TNR: variants seen among roughly 807,000 people sequenced by gnomAD.
TNR encodes the protein tenascin R, also known as tenascin-R.
In TNR, 45 loss-of-function variants were observed where a neutral mutation model predicts 150.4. That is an observed-to-expected ratio of 0.30 (90% CI 0.24 to 0.38). TNR has a LOEUF of 0.38. TNR is among the 10% of genes least tolerant of loss of function. The pLI is 1.00. For synonymous variants in TNR, 687 were observed against 678.4 expected (o/e 1.01, Z -0.20); for missense variants, 1,544 against 1,759.1 (o/e 0.88, Z 2.19).
chr1:175,489,884 A>G (rs78116180), intron 2 of TNR, among the ~76,000 whole-genome samples: 2,743 of 152,274 alleles, frequency 0.018, 38 homozygotes, highest in South Asian at 0.042. Context: ...GTTTTTTATG[A>G]ACATAATAAA....
intron 1 of TNR, among the ~76,000 whole-genome samples, chr1:175,658,436 A>G (rs1665258975): frequency 6.6e-6 from 1 of 152,148 alleles, no homozygotes; most frequent in Admixed American, 6.5e-5. Context: ...ATGTGTTCCA[A>G]GTGGTATGCT....
intron 1 of TNR, among the ~76,000 whole-genome samples, chr1:175,546,442 A>G (rs1169124492): frequency 1.3e-5 from 2 of 152,230 alleles, no homozygotes; most frequent in African/African-American, 4.8e-5. Flanking sequence ...CACATCTTAA[A>G]GATGTCTTCT....
At chr1:175,696,041 T>G (rs1666507119) in intron 1 of TNR, among the ~76,000 whole-genome samples, 1 of 151,396 alleles carries the variant, frequency 6.6e-6, no homozygotes, top group Non-Finnish European at 1.5e-5. Flanking sequence ...AGCCAATATG[T>G]GCATAGGAGC....
intron 1 of TNR, among the ~76,000 whole-genome samples, chr1:175,719,320 T>C (rs74129322): frequency 0.078 from 11,837 of 152,168 alleles, 552 homozygotes; most frequent in East Asian, 0.22. Flanking sequence ...AGAGAGGTCC[T>C]CACCCCTCCC....
chr1:175,621,929 C>A (rs1308408078), intron 1 of TNR, among the ~76,000 whole-genome samples: 1 of 152,224 alleles, frequency 6.6e-6, no homozygotes, highest in Non-Finnish European at 1.5e-5. Flanking sequence ...AGCTCCACAG[C>A]TTCCTGGCTG....
chr1:175,473,733 TG>T (rs1657399976), intron 2 of TNR, among the ~76,000 whole-genome samples: 2 of 152,242 alleles, frequency 1.3e-5, no homozygotes, highest in South Asian at 4.1e-4. Flanking sequence ...CTTTGATTCT[TG>T]CTTCCCTTTT....
At chr1:175,439,594 C>T (rs967027457) in intron 2 of TNR, among the ~76,000 whole-genome samples, 5 of 152,296 alleles carry the variant, frequency 3.3e-5, no homozygotes, top group East Asian at 3.9e-4. Flanking sequence ...AGGCAACCTA[C>T]AGAATGGGAG....
chr1:175,376,857 A>ATGTTT (rs200447454), intron 9 of TNR, among the ~76,000 whole-genome samples: 343 of 113,474 alleles, frequency 3.0e-3, no homozygotes, highest in Admixed American at 4.8e-3. Context: ...TATAAATGTA[A>ATGTTT]TATTATATAT....
At chr1:175,468,447 A>G (rs781162717) in intron 2 of TNR, among the ~76,000 whole-genome samples, 11 of 152,210 alleles carry the variant, frequency 7.2e-5, no homozygotes, top group African/African-American at 1.2e-4. Context: ...TGTTCACTTA[A>G]TCAACATGTA....
intron 1 of TNR, among the ~76,000 whole-genome samples, chr1:175,547,637 GA>G (rs1557999531): frequency 5.9e-4 from 78 of 131,422 alleles, no homozygotes; most frequent in African/African-American, 2.4e-3. Flanking sequence ...AAGAAAGAAA[GA>G]GAAAGAAAGA....
intron 1 of TNR, among the ~76,000 whole-genome samples, chr1:175,708,896 C>A (rs900110563): frequency 6.6e-6 from 1 of 152,140 alleles, no homozygotes; most frequent in African/African-American, 2.4e-5. Flanking sequence ...CACTATGAGC[C>A]AGCTCTGGAG....
Position 175,599,951 on chromosome 1 carries a change from C to A in TNR, c.-164-71582G>T, listed in dbSNP as rs1663170750. Among the ~76,000 whole-genome samples the A allele has an allele frequency of 6.6e-6, 1 of 152,166 alleles. No homozygotes were observed. Among genetic ancestry groups the A allele is most frequent in the Non-Finnish European group, 1.5e-5 (1 of 68,038 alleles). On this transcript the variant is annotated intron_variant, in intron 1 of 22. Coordinates refer to ENST00000367674, the MANE Select transcript of TNR (RefSeq NM_003285.3). This position sits in a 1 kb window ranked among gnomAD's most constrained non-coding sequence, Gnocchi z 4.7. ...CTACAGGAGGGAGGAAAAGAGTGAG[C>A]CATATGATAGAGTAAAATCCCTTGC...
chr1:175,637,580 C>T (rs554143716), intron 1 of TNR, among the ~76,000 whole-genome samples: 1 of 152,278 alleles, frequency 6.6e-6, no homozygotes, highest in South Asian at 2.1e-4. Context: ...AATCCACAGC[C>T]TGATTAATCA....
intron 1 of TNR, among the ~76,000 whole-genome samples, chr1:175,708,721 G>A (rs1304855905): frequency 2.0e-5 from 3 of 152,122 alleles, no homozygotes; most frequent in Non-Finnish European, 1.5e-5. Context: ...GATGATACAG[G>A]GAACACACTT....
At chr1:175,369,650 G>T (rs904355516) in intron 9 of TNR, among the ~76,000 whole-genome samples, 4 of 123,534 alleles carry the variant, frequency 3.2e-5, no homozygotes, top group African/African-American at 1.1e-4. Flanking sequence ...GAGTAAGTCT[G>T]TGACCAGCTA....
intron 2 of TNR, among the ~76,000 whole-genome samples, chr1:175,485,143 T>G (rs1363640282): frequency 6.6e-6 from 1 of 152,174 alleles, no homozygotes; most frequent in Non-Finnish European, 1.5e-5. Flanking sequence ...TCTGAATAAA[T>G]TAGACTGATG....
intron 1 of TNR, among the ~76,000 whole-genome samples, chr1:175,629,448 C>T (rs1224785753): frequency 6.6e-6 from 1 of 152,084 alleles, no homozygotes; most frequent in Non-Finnish European, 1.5e-5. Flanking sequence ...GACTGGAATG[C>T]AATTAAACAG....
At chr1:175,709,807 A>G (rs1467560829) in intron 1 of TNR, among the ~76,000 whole-genome samples, 2 of 151,700 alleles carry the variant, frequency 1.3e-5, no homozygotes, top group African/African-American at 4.8e-5. Context: ...TCATTCAACA[A>G]CATCCCTAGT....
At chr1:175,715,623 G>C (rs2101939764) in intron 1 of TNR, among the ~76,000 whole-genome samples, 1 of 152,348 alleles carries the variant, frequency 6.6e-6, no homozygotes, top group Non-Finnish European at 1.5e-5. Flanking sequence ...CAGGAGCTAA[G>C]TTGGTACCAT....
Sources: allele counts gnomAD v4.1 joint callset (sites outside exome capture counted in the v4.1 genomes callset), GRCh38; gene constraint gnomAD v4.1.1; non-coding constraint Gnocchi (gnomAD v3.1); transcripts MANE v1.5; gene names NCBI Gene and HGNC (gene_info 2026-07-23, HGNC 2026-07-21).